Variants in ODF4 observed in about 807,000 individuals in gnomAD.
The protein encoded by ODF4 is outer dense fiber of sperm tails 4.
In ODF4, 11 loss-of-function variants were observed where a neutral mutation model predicts 17.0. The observed-to-expected ratio is 0.65, with a 90% CI of 0.41 to 1.07. The LOEUF (loss-of-function observed/expected upper bound fraction) is 1.07. Among genes scored for constraint, ODF4 ranks in the 50% least tolerant of loss-of-function variants. The pLI, the probability that ODF4 is intolerant of heterozygous loss-of-function variation, is 0.00. For synonymous variants in ODF4, 127 were observed against 121.8 expected (o/e 1.04, Z -0.28); for missense variants, 281 against 310.2 (o/e 0.91, Z 0.71).
rs753477861 is a variant in ODF4 at position 8,345,410 on chromosome 17, T to C, written c.522T>C (p.Asn174=). The part of the protein sequence containing the change: ...INIWIFELER[N]VSIPIGWSYF... ...TCTGGATCTTCGAGTTGGAAAGGAA[T>C]GTATCCATCCCCATAGGCTGGAGCT... is the stretch of plus-strand genomic sequence containing the variant. Residue 174 remains asparagine, a synonymous_variant, in exon 2 of 3, where the codon AAT becomes AAC. Coordinates refer to ENST00000328248, the MANE Select transcript of ODF4 (RefSeq NM_153007.5). The surrounding 1 kb of genome is among the most constrained non-coding windows in gnomAD (Gnocchi z 4.1). 2.5e-6 allele frequency: 4 copies of C among 1,613,528 alleles called. No homozygotes were observed. Among genetic ancestry groups the C allele is most frequent in the African/African-American group, 1.3e-5 (1 of 74,912 alleles).
chr17:8,343,172 C>T (rs1399387291), intron 1 of ODF4, among the ~76,000 whole-genome samples: 1 of 147,952 alleles, frequency 6.8e-6, no homozygotes, highest in Non-Finnish European at 1.5e-5. Context: ...TGCTCTGTTG[C>T]CCAGGTTGGT....
At chr17:8,343,850 C>A (rs940887268) in intron 1 of ODF4, among the ~76,000 whole-genome samples, 1 of 101,208 alleles carries the variant, frequency 9.9e-6, no homozygotes, top group Admixed American at 1.1e-4. Flanking sequence ...GTGTGTGTGT[C>A]TATATATATA....
At chr17:8,341,554 G>A (rs1035576483) in intron 1 of ODF4, among the ~76,000 whole-genome samples, 3 of 151,976 alleles carry the variant, frequency 2.0e-5, no homozygotes, top group Non-Finnish European at 4.4e-5. Flanking sequence ...GAGTACAGTG[G>A]TGCAATCATA....
In ODF4 at chr17:8,345,963, G is replaced by T; in HGVS notation, c.*111G>T. On this transcript the variant is annotated 3_prime_UTR_variant, in exon 3 of 3. Coordinates refer to ENST00000328248, the MANE Select transcript of ODF4 (RefSeq NM_153007.5). The surrounding 1 kb of genome is among the most constrained non-coding windows in gnomAD (Gnocchi z 4.1). The stretch of plus-strand genomic sequence containing the variant: ...CTCATCATTGCAAGGAATGAGAAAG[G>T]GAGGATTTTGCACTCCTCTGCTTTC... 1.2e-6 allele frequency: 1 copy of T among 844,566 alleles called. No individual in the cohort carries two copies. The allele number at this position is 844,566 out of a possible 1,614,324, so 52.3% of individuals were successfully genotyped here.
chr17:8,341,560 T>C (rs8074854), intron 1 of ODF4, among the ~76,000 whole-genome samples: 17,061 of 152,144 alleles, frequency 0.11, 1,030 homozygotes, highest in Middle Eastern at 0.15. Flanking sequence ...AGTGGTGCAA[T>C]CATAGCTCAC....
chr17:8,340,643 A>G, intron 1 of ODF4, 138 bp downstream of exon 1: 1 of 608,922 alleles, frequency 1.6e-6, no homozygotes. Flanking sequence ...ACTGGCACTG[A>G]GACCTCCGAT....
At chr17:8,341,481 GT>G (rs1447973507) in intron 1 of ODF4, among the ~76,000 whole-genome samples, 1 of 151,870 alleles carries the variant, frequency 6.6e-6, no homozygotes, top group East Asian at 1.9e-4. Context: ...CCTCATCCTT[GT>G]TTTTTTCTGT....
chr17:8,341,660 C>T (rs7213495), intron 1 of ODF4, among the ~76,000 whole-genome samples: 52,530 of 151,666 alleles, frequency 0.35, 9,431 homozygotes, highest in African/African-American at 0.45. Flanking sequence ...ACACCTGGTT[C>T]TTATTGTTGT....
chr17:8,341,667 T>C (rs1906022874), intron 1 of ODF4, among the ~76,000 whole-genome samples: 1 of 152,124 alleles, frequency 6.6e-6, no homozygotes, highest in Non-Finnish European at 1.5e-5. Flanking sequence ...GTTCTTATTG[T>C]TGTTAGTCTC....
At position 8,345,298 on chromosome 17, in the gene ODF4, G is replaced by A. The variant is rs1183961923; in HGVS notation, c.455-45G>A. On this transcript the variant is annotated intron_variant, in intron 1 of 2. Coordinates refer to ENST00000328248, the MANE Select transcript of ODF4 (RefSeq NM_153007.5). The surrounding 1 kb of genome is among the most constrained non-coding windows in gnomAD (Gnocchi z 4.1). ...TAGCAGATGAGGAAGAACCTCCTGT[G>A]GGACTCTTGTATGACAATGAGACCC... 2 of 1,580,258 alleles carry A rather than the reference G, an allele frequency of 1.3e-6. No individual in the cohort carries two copies. The highest frequency in any genetic ancestry group is 1.7e-5 in the Admixed American group (1 of 58,650).
chr17:8,341,704 G>A (rs1481369193), intron 1 of ODF4, among the ~76,000 whole-genome samples: 2 of 151,824 alleles, frequency 1.3e-5, no homozygotes, highest in Non-Finnish European at 2.9e-5. Flanking sequence ...TCACCCCTCA[G>A]GAATTTGGAG....
Position 8,345,375 on chromosome 17 carries a change from C to A in ODF4, c.487C>A (p.Pro163Thr). ...CATCTTCTCCACCCTCATGCTATTCCCCATTAACATCTGGATCTTCGAGTT... is the reference window on the plus strand; with the variant it reads ...CATCTTCTCCACCCTCATGCTATTCACCATTAACATCTGGATCTTCGAGTT... ...TFIFSTLMLF[P>T]INIWIFELER... is the part of the protein sequence containing the mutation. The change falls in exon 2 of 3, where the codon CCC (proline) becomes ACC (threonine). Residue 163 changes from proline (P) to threonine (T), a missense_variant. Transcript: ENST00000328248. This position sits in a 1 kb window ranked among gnomAD's most constrained non-coding sequence, Gnocchi z 4.1. 6.2e-7 allele frequency: 1 copy of A among 1,613,766 alleles called. No individual in the cohort carries two copies. Among genetic ancestry groups the A allele is most frequent in the Non-Finnish European group, 8.5e-7 (1 of 1,179,666 alleles).
rs746729483 is a variant in ODF4 at position 8,340,242 on chromosome 17, C to G, written c.191C>G (p.Ser64Cys). Residue 64 changes from serine (S) to cysteine (C), a missense_variant, in exon 1 of 3, where the codon TCT becomes TGT. By Grantham distance (112) the Ser-to-Cys change is moderately radical. Coordinates refer to ENST00000328248, the MANE Select transcript of ODF4 (RefSeq NM_153007.5). ...AGGTCCTTGGGCCAGCGCCAGAACTCTCCGCTGCCCTTTCAATGGAGAATC... is the reference window on the plus strand; with the variant it reads ...AGGTCCTTGGGCCAGCGCCAGAACTGTCCGCTGCCCTTTCAATGGAGAATC... ...SNRSLGQRQNSPLPFQWRITH... is the reference protein window; with the variant it reads ...SNRSLGQRQNCPLPFQWRITH... 1.9e-6 allele frequency: 3 copies of G among 1,614,054 alleles called. No individual in the cohort carries two copies. The highest frequency in any genetic ancestry group is 1.3e-5 in the African/African-American group (1 of 74,938).
intron 1 of ODF4, among the ~76,000 whole-genome samples, chr17:8,343,892 C>T (rs1342306921): frequency 8.4e-6 from 1 of 118,522 alleles, no homozygotes; most frequent in Non-Finnish European, 1.7e-5. Flanking sequence ...TGGGATCAAG[C>T]GATTCTCTTG....
chr17:8,343,068 A>G (rs1906091297), intron 1 of ODF4, among the ~76,000 whole-genome samples: 1 of 152,100 alleles, frequency 6.6e-6, no homozygotes, highest in Non-Finnish European at 1.5e-5. Context: ...ACACACAATA[A>G]CACAATGTAT....
Position 8,345,081 on chromosome 17 carries a change from C to A in ODF4, c.455-262C>A. The A allele has an allele frequency of 1.0e-6, 1 of 965,996 alleles. No homozygotes were observed. Among genetic ancestry groups the A allele is most frequent in the Non-Finnish European group, 1.4e-6 (1 of 736,204 alleles). The allele number at this position is 965,996 out of a possible 1,614,324, so 59.8% of individuals were successfully genotyped here. A position where few individuals can be genotyped will look rare whatever the true frequency, so the allele number is the denominator to read the frequency against. Reference sequence around the variant, plus strand: ...CTGGAAAGGTCCTTTGTTTTCCTAACCCCCATCTTCCTGGGCACTTCTCCC... The same window carrying A: ...CTGGAAAGGTCCTTTGTTTTCCTAAACCCCATCTTCCTGGGCACTTCTCCC... On this transcript the variant is annotated intron_variant, in intron 1 of 2. Coordinates refer to ENST00000328248, the MANE Select transcript of ODF4 (RefSeq NM_153007.5). The surrounding 1 kb of genome is among the most constrained non-coding windows in gnomAD (Gnocchi z 4.1).
At chr17:8,341,438 C>T (rs1906013104) in intron 1 of ODF4, among the ~76,000 whole-genome samples, 1 of 152,060 alleles carries the variant, frequency 6.6e-6, no homozygotes, top group African/African-American at 2.4e-5. Flanking sequence ...TTCTGTGTTC[C>T]TTCTTTCCCT....
Position 8,340,498 on chromosome 17 carries a change from T to C in ODF4, c.447T>C (p.Asn149=). The C allele has an allele frequency of 6.2e-7, 1 of 1,605,776 alleles. No homozygotes were observed. Among genetic ancestry groups the C allele is most frequent in the Non-Finnish European group, 8.5e-7 (1 of 1,174,714 alleles). ...CCAGGAGCTGTTCTGACTTAGAGAA[T>C]GGGAAAGGTGAGCCCCTCCACCCCC... ...YKSRSCSDLE[N]GKVTFIFSTL... is the part of the protein sequence containing the mutation. Residue 149 remains asparagine, a synonymous_variant, in exon 1 of 3, where the codon AAT becomes AAC. Coordinates refer to ENST00000328248, the MANE Select transcript of ODF4 (RefSeq NM_153007.5).
chr17:8,345,132 T>G lies in ODF4; in HGVS notation c.455-211T>G. On this transcript the variant is annotated intron_variant, in intron 1 of 2. Transcript: ENST00000328248. This position sits in a 1 kb window ranked among gnomAD's most constrained non-coding sequence, Gnocchi z 4.1. ...TCTTCTTTGGGGGTGGTATGAGGGT[T>G]TTGTGGGTGGTGGGAGAACAGAACC... The G allele has an allele frequency of 1.2e-6, 1 of 808,108 alleles. No homozygotes were observed. Among genetic ancestry groups the G allele is most frequent in the Non-Finnish European group, 1.8e-6 (1 of 540,654 alleles). 50.1% of individuals were successfully genotyped at this position (808,108 alleles called of 1,614,324 possible).
Sources: gnomAD v4.1 joint callset for allele counts (sites outside exome capture counted in the v4.1 genomes callset) on GRCh38, gnomAD v4.1.1 for gene constraint, Gnocchi (gnomAD v3.1) non-coding constraint, MANE v1.5 for transcripts, NCBI Gene and HGNC (gene_info 2026-07-23, HGNC 2026-07-21) for gene names.